Variants in SLIT1 observed in about 807,000 individuals in gnomAD.
SLIT1 encodes the protein slit guidance ligand 1, also known as slit homolog 1 protein.
In SLIT1, 66 loss-of-function variants were observed where a neutral mutation model predicts 186.1. The observed-to-expected ratio is 0.35, with a 90% CI of 0.29 to 0.44. The LOEUF (loss-of-function observed/expected upper bound fraction) is 0.44, where lower values mean the gene tolerates loss of function less well. Ranked by LOEUF, SLIT1 falls within the 20% of genes least tolerant of loss-of-function variation. SLIT1 has a pLI of 1.00. For synonymous variants in SLIT1, 761 were observed against 833.8 expected, an observed-to-expected ratio of 0.91 and a Z score of 1.50; for missense variants, 1,638 against 2,037.4, an observed-to-expected ratio of 0.80 and a Z score of 3.77.
rs950114045 is a variant in SLIT1 at position 97,041,732 on chromosome 10, A to G, written c.2164+1169T>C. Among the ~76,000 whole-genome samples the G allele has an allele frequency of 7.2e-5, 11 of 152,096 alleles. 1 individual carries two copies. The highest frequency in any genetic ancestry group is 7.2e-4 in the Admixed American group (11 of 15,272). The stretch of plus-strand genomic sequence containing the variant: ...GGGATCTGCCCGCCTCGGCCTCCCA[A>G]AGTGCTGGGATTACAGGCATGAGCC... On this transcript the variant is annotated intron_variant, in intron 20 of 36. Coordinates refer to ENST00000266058, the MANE Select transcript of SLIT1 (RefSeq NM_003061.3).
intron 11 of SLIT1, chr10:97,057,890 G>A: frequency 2.9e-6 from 2 of 685,170 alleles, no homozygotes; most frequent in Non-Finnish European, 5.5e-6. Context: ...ACATCCAGGA[G>A]GTTTGGGGAG....
At chr10:97,172,210 A>T (rs556809229) in intron 1 of SLIT1, among the ~76,000 whole-genome samples, 38 of 151,898 alleles carry the variant, frequency 2.5e-4, no homozygotes, top group East Asian at 3.9e-4. Flanking sequence ...ACCCAGCTAA[A>T]TTTTTTTGCA....
At chr10:97,089,177 C>T (rs768500523) in intron 4 of SLIT1, among the ~76,000 whole-genome samples, 14 of 152,054 alleles carry the variant, frequency 9.2e-5, no homozygotes, top group South Asian at 6.2e-4. Flanking sequence ...AGTCCAGAGC[C>T]AGGAGACCAA....
At chr10:97,179,800 T>TCCCCCC (rs150754287) in intron 1 of SLIT1, among the ~76,000 whole-genome samples, 3 of 126,384 alleles carry the variant, frequency 2.4e-5, no homozygotes, top group Non-Finnish European at 3.5e-5. Context: ...CTCCACACCC[T>TCCCCCC]CCCCGCCCCC....
intron 4 of SLIT1, among the ~76,000 whole-genome samples, chr10:97,131,640 G>A (rs1008520117): frequency 4.6e-5 from 7 of 152,338 alleles, no homozygotes; most frequent in Middle Eastern, 3.4e-3. Flanking sequence ...GCAGAGGACC[G>A]GAGCCCAGCT....
intron 4 of SLIT1, among the ~76,000 whole-genome samples, chr10:97,123,154 G>A (rs964929110): frequency 6.6e-6 from 1 of 152,200 alleles, no homozygotes; most frequent in African/African-American, 2.4e-5. Context: ...GTTGCCGCAC[G>A]TCACAGATCT....
intron 13 of SLIT1, among the ~76,000 whole-genome samples, chr10:97,055,457 G>T (rs1425618383): frequency 6.6e-6 from 1 of 152,040 alleles, no homozygotes. Flanking sequence ...AACCTCCTGG[G>T]CTCAAGCAAT....
intron 4 of SLIT1, among the ~76,000 whole-genome samples, chr10:97,076,950 C>G (rs1849051698): frequency 6.6e-6 from 1 of 152,150 alleles, no homozygotes; most frequent in Non-Finnish European, 1.5e-5. Flanking sequence ...TAATCTGGTC[C>G]TCTACTTCTC....
chr10:97,163,298 C>T, intron 3 of SLIT1, 82 bp downstream of exon 3: 1 of 1,231,470 alleles, frequency 8.1e-7, no homozygotes. Context: ...GAGTGCCCCT[C>T]ATCCCTGGCA....
chr10:97,119,574 G>A (rs930173313), intron 4 of SLIT1, among the ~76,000 whole-genome samples: 1 of 152,118 alleles, frequency 6.6e-6, no homozygotes, highest in Non-Finnish European at 1.5e-5. Context: ...GCGACGGGGC[G>A]GTGCGAGGAG....
At chr10:97,040,985 G>A (rs1848685570) in intron 20 of SLIT1, among the ~76,000 whole-genome samples, 1 of 152,204 alleles carries the variant, frequency 6.6e-6, no homozygotes, top group African/African-American at 2.4e-5. Context: ...CAGCTCTCTA[G>A]TGAATGTGTT....
Position 97,174,263 on chromosome 10 carries a change from C to T in SLIT1, c.198-9373G>A, listed in dbSNP as rs183493496. 7.2e-5 allele frequency among the ~76,000 whole-genome samples: 11 copies of T among 152,304 alleles called. No individual in the cohort carries two copies. In the East Asian group the frequency reaches 7.7e-4, roughly 11 times the overall value. Reference sequence around the variant, plus strand: ...GCTGGTTTGCTCACTGCTGTATCCCCGGCACCTGTGAGGATACCTGGCACA... The same window carrying T: ...GCTGGTTTGCTCACTGCTGTATCCCTGGCACCTGTGAGGATACCTGGCACA... On this transcript the variant is annotated intron_variant, in intron 1 of 36. Transcript: ENST00000266058.
chr10:97,141,413 C>T (rs1429218122), intron 4 of SLIT1, among the ~76,000 whole-genome samples: 1 of 152,184 alleles, frequency 6.6e-6, no homozygotes, highest in Non-Finnish European at 1.5e-5. Flanking sequence ...GACTCTATCC[C>T]ATATGAAATG....
intron 4 of SLIT1, among the ~76,000 whole-genome samples, chr10:97,099,021 C>T (rs1849321878): frequency 1.3e-5 from 2 of 152,208 alleles, no homozygotes; most frequent in Middle Eastern, 3.4e-3. Context: ...GTTAGGGGAC[C>T]AAGGGAGCGA....
chr10:97,155,425 G>C (rs1189282020), intron 4 of SLIT1: 2 of 152,296 alleles, frequency 1.3e-5, no homozygotes, highest in Admixed American at 6.5e-5. Flanking sequence ...GAGTAAAGGA[G>C]GGAGGGAGTC....
intron 4 of SLIT1, among the ~76,000 whole-genome samples, chr10:97,079,663 C>T (rs1849083894): frequency 6.6e-6 from 1 of 152,218 alleles, no homozygotes; most frequent in Non-Finnish European, 1.5e-5. Context: ...GTGGCAGAAA[C>T]AATCCCCAGC....
intron 4 of SLIT1, among the ~76,000 whole-genome samples, chr10:97,086,589 AGAAAG>A (rs1849162455): frequency 6.6e-6 from 1 of 152,202 alleles, no homozygotes; most frequent in African/African-American, 2.4e-5. Flanking sequence ...CCCAAAAAAA[AGAAAG>A]GAAAGGAAAG....
intron 4 of SLIT1, among the ~76,000 whole-genome samples, chr10:97,151,154 C>T (rs902916746): frequency 3.3e-5 from 5 of 152,168 alleles, no homozygotes; most frequent in Non-Finnish European, 7.3e-5. Flanking sequence ...ATCCATCTTA[C>T]CTAGACATCA....
chr10:97,002,721 G>T lies in SLIT1; in HGVS notation c.4137C>A (p.Gly1379=). 1 of 1,582,336 alleles carries T rather than the reference G, an allele frequency of 6.3e-7. No individual in the cohort carries two copies. The highest frequency in any genetic ancestry group is 8.6e-7 in the Non-Finnish European group (1 of 1,160,050). The part of the protein sequence containing the change: ...VGLHCDQPAD[G]PCHGHKCVHG... ...AGGCTCACTTGTGGCCATGGCAGGG[G>T]CCGTCAGCGGGCTGGTCACAGTGCA... is the stretch of plus-strand genomic sequence containing the variant. Residue 1379 remains glycine (G), a synonymous_variant, in exon 35 of 37, where the codon GGC becomes GGA. Transcript: ENST00000266058.
Sources: allele counts gnomAD v4.1 joint callset (sites outside exome capture counted in the v4.1 genomes callset), GRCh38; gene constraint gnomAD v4.1.1; transcripts MANE v1.5; gene names NCBI Gene and HGNC (gene_info 2026-07-23, HGNC 2026-07-21).